The following MYO16 variants were observed in gnomAD, a reference collection of about 807,000 sequenced individuals.
MYO16 encodes unconventional myosin-XVI.
MYO16 carries 94 observed loss-of-function variants against 205.3 expected under a neutral mutation model. The ratio of observed to expected loss-of-function variants is 0.46; its 90% CI spans 0.39 to 0.54. The LOEUF (loss-of-function observed/expected upper bound fraction) is 0.54. Among genes scored for constraint, MYO16 ranks in the 20% least tolerant of loss-of-function variants. The pLI, the probability that MYO16 is intolerant of heterozygous loss-of-function variation, is 0.00. For synonymous variants in MYO16, 988 were observed against 954.0 expected (o/e 1.04, Z -0.66); for missense variants, 2,315 against 2,387.5 (o/e 0.97, Z 0.63).
chr13:108,686,369 T>C (rs1430813434), intron 2 of MYO16, among the ~76,000 whole-genome samples: 3 of 152,232 alleles, frequency 2.0e-5, no homozygotes, highest in African/African-American at 7.2e-5. Flanking sequence ...AAAAATACTT[T>C]AAAGATATCA....
intron 12 of MYO16, among the ~76,000 whole-genome samples, chr13:108,876,495 A>C (rs886525164): frequency 6.6e-6 from 1 of 152,164 alleles, no homozygotes; most frequent in Non-Finnish European, 1.5e-5. Flanking sequence ...TACCACTTCA[A>C]CTTCAACCTA....
At chr13:108,671,878 C>A (rs1594195849) in intron 2 of MYO16, among the ~76,000 whole-genome samples, 1 of 152,078 alleles carries the variant, frequency 6.6e-6, no homozygotes, top group African/African-American at 2.4e-5. Flanking sequence ...ACTCATCGAA[C>A]CTAATTCCCT....
chr13:108,613,105 T>C (rs538005718), intron 1 of MYO16, among the ~76,000 whole-genome samples: 18 of 152,302 alleles, frequency 1.2e-4, no homozygotes, highest in African/African-American at 4.3e-4. Context: ...GGCAACACTT[T>C]AAGGTCAAGA....
intron 27 of MYO16, among the ~76,000 whole-genome samples, chr13:109,091,220 A>T (rs1032035749): frequency 1.3e-5 from 2 of 152,198 alleles, no homozygotes; most frequent in Non-Finnish European, 2.9e-5. Context: ...GAAAATGCCC[A>T]GGAGTGGTTC....
chr13:109,121,668 A>AG (rs1351604245), intron 29 of MYO16, among the ~76,000 whole-genome samples: 1 of 152,220 alleles, frequency 6.6e-6, no homozygotes, highest in Non-Finnish European at 1.5e-5. Context: ...GTTTCCATGC[A>AG]GGGGCCTGGC....
intron 3 of MYO16, 41 bp downstream of exon 3, chr13:108,712,772 CG>C (rs34124194): frequency 2.0e-6 from 3 of 1,526,106 alleles, no homozygotes; most frequent in African/African-American, 1.4e-5. Flanking sequence ...TGGGGACACC[CG>C]GGGGAGAGTA....
intron 20 of MYO16, among the ~76,000 whole-genome samples, chr13:108,973,203 G>A (rs1433035331): frequency 1.3e-5 from 2 of 151,714 alleles, no homozygotes; most frequent in Non-Finnish European, 2.9e-5. Context: ...AAAAAATGAA[G>A]GCTTTTGACA....
chr13:108,620,575 G>A (rs1879502730), intron 1 of MYO16, among the ~76,000 whole-genome samples: 1 of 152,156 alleles, frequency 6.6e-6, no homozygotes, highest in Non-Finnish European at 1.5e-5. Context: ...ATAAATTAAG[G>A]AAATATTTCA....
At chr13:108,631,184 A>G in intron 1 of MYO16, among the ~76,000 whole-genome samples, 1 of 152,130 alleles carries the variant, frequency 6.6e-6, no homozygotes, top group East Asian at 1.9e-4. Context: ...GCAGAATGTC[A>G]TTATTTTCCT....
intron 23 of MYO16, among the ~76,000 whole-genome samples, chr13:109,025,286 C>T (rs546087651): frequency 3.9e-4 from 59 of 152,250 alleles, no homozygotes; most frequent in African/African-American, 1.1e-3. Context: ...CCAGGAAGAC[C>T]GGCCACGCTT....
intron 10 of MYO16, among the ~76,000 whole-genome samples, chr13:108,851,324 ATGTG>A (rs1234418584): frequency 6.6e-6 from 1 of 152,170 alleles, no homozygotes; most frequent in Non-Finnish European, 1.5e-5. Context: ...GGTTGTCTAT[ATGTG>A]TGTGTAAGTT....
At position 108,629,855 on chromosome 13, in the gene MYO16, A is replaced by G. The variant is rs1380038160; in HGVS notation, c.11A>G (p.Tyr4Cys). ...GTCTGAGATGGAAAGATGTCTCACT[A>G]TCATTTTATCAAGTGCTGTAAGTAA... is the stretch of plus-strand genomic sequence containing the variant. Reference protein sequence around the residue: MSHYHFIKCCCFQL... With the variant: MSHCHFIKCCCFQL... The change falls in exon 1 of 35, where the codon TAT becomes TGT. Residue 4 changes from tyrosine (Y) to cysteine (C), a missense_variant. Physicochemically the swap from Tyr to Cys is radical, Grantham distance 194. Coordinates refer to ENST00000457511, the MANE Select transcript of MYO16 (RefSeq NM_001198950.3). 2.0e-6 allele frequency: 3 copies of G among 1,528,822 alleles called. No homozygotes were observed. In the African/African-American group the frequency reaches 4.1e-5, roughly 21 times the overall value. The allele number at this position is 1,528,822 out of a possible 1,614,324, so 94.7% of individuals were successfully genotyped here. A position where few individuals can be genotyped will look rare whatever the true frequency, so the allele number is the denominator to read the frequency against.
At chr13:109,189,003 A>T (rs1415946388) in intron 34 of MYO16, among the ~76,000 whole-genome samples, 1 of 152,062 alleles carries the variant, frequency 6.6e-6, no homozygotes, top group Non-Finnish European at 1.5e-5. Flanking sequence ...CTGAGGCAGG[A>T]GAATTGCTTG....
chr13:108,963,126 A>C lies in MYO16; in HGVS notation c.2227+631A>C, dbSNP rs77774055. Among the ~76,000 whole-genome samples, 9 of 152,328 alleles carry C rather than the reference A, an allele frequency of 5.9e-5. No homozygotes were observed. The East Asian group carries it at 1.7e-3, about 29-fold the overall frequency. On this transcript the variant is annotated intron_variant, in intron 19 of 34. Transcript: ENST00000457511. ...GCATCTCTACTCAGTGAACAAAGAG[A>C]GTGGTTTTCCCACATGATCTTCAAG...
rs1213027221 is a variant in MYO16 at position 108,964,756 on chromosome 13, T to A, written c.2228-5T>A. On this transcript the variant is annotated splice_polypyrimidine_tract_variant and splice_region_variant and intron_variant, in intron 19 of 34. Coordinates refer to ENST00000457511, the MANE Select transcript of MYO16 (RefSeq NM_001198950.3). ...TCACTCCTCCTTTTCTTTCTACCAT[T>A]TTAGGGGATATGATAATACGACGAC... The A allele has an allele frequency of 6.2e-7, 1 of 1,613,676 alleles. No individual in the cohort carries two copies.
chr13:108,544,156 T>G, the MYO16 span, among the ~76,000 whole-genome samples: 2 of 152,076 alleles, frequency 1.3e-5, no homozygotes, highest in East Asian at 3.8e-4. Flanking sequence ...ATTTACTGTT[T>G]TTAAGCTCTC....
In MYO16 at chr13:109,022,321, AC is replaced by A. The variant is rs1886070796; in HGVS notation, c.2796+2411del. Among the ~76,000 whole-genome samples, 20 of 123,134 alleles carry A rather than the reference AC, an allele frequency of 1.6e-4. No individual in the cohort carries two copies. In the Admixed American group the frequency reaches 1.7e-3, roughly 11 times the overall value. 80.8% of individuals were successfully genotyped at this position (123,134 alleles called of 152,430 possible). ...ACAAATATATATTTATATATTATAT[AC>A]AAATATATATTTATATATTATATAC... On this transcript the variant is annotated intron_variant, in intron 23 of 34. Coordinates refer to ENST00000457511, the MANE Select transcript of MYO16 (RefSeq NM_001198950.3).
chr13:109,038,604 A>G lies in MYO16; in HGVS notation c.2797-8312A>G, dbSNP rs1330587812. Reference sequence around the variant, plus strand: ...CCATAATTATGTGAGCCAATAACTCAGACTATATATATTATACTATACTAC... The same window carrying G: ...CCATAATTATGTGAGCCAATAACTCGGACTATATATATTATACTATACTAC... On this transcript the variant is annotated intron_variant, in intron 23 of 34. Coordinates refer to ENST00000457511, the MANE Select transcript of MYO16 (RefSeq NM_001198950.3). Among the ~76,000 whole-genome samples, 4 of 152,170 alleles carry G rather than the reference A, an allele frequency of 2.6e-5. No individual in the cohort carries two copies. The East Asian group carries it at 7.8e-4, about 29-fold the overall frequency.
At chr13:109,074,885 G>C (rs1248986793) in intron 27 of MYO16, among the ~76,000 whole-genome samples, 1 of 152,212 alleles carries the variant, frequency 6.6e-6, no homozygotes, top group South Asian at 2.1e-4. Context: ...TTCAACATGA[G>C]ATTTGGGTGG....
Sources: gnomAD v4.1 joint callset for allele counts (sites outside exome capture counted in the v4.1 genomes callset) on GRCh38, gnomAD v4.1.1 for gene constraint, MANE v1.5 for transcripts, NCBI Gene and HGNC (gene_info 2026-07-23, HGNC 2026-07-21) for gene names.